Variants in ULK4 observed in about 807,000 individuals in gnomAD.
ULK4 encodes the protein unc-51 like kinase 4.
In ULK4, 133 loss-of-function variants were observed where a neutral mutation model predicts 160.6. That is an observed-to-expected ratio of 0.83 (90% CI 0.72 to 0.96). The LOEUF (loss-of-function observed/expected upper bound fraction) is 0.96, where lower values mean the gene tolerates loss of function less well. Among genes scored for constraint, ULK4 ranks in the 40% least tolerant of loss-of-function variants. The pLI is 0.00. For synonymous variants in ULK4, 534 were observed against 539.8 expected, an observed-to-expected ratio of 0.99 and a Z score of 0.15; for missense variants, 1,580 against 1,499.5, an observed-to-expected ratio of 1.05 and a Z score of -0.89.
At chr3:41,556,951 C>T (rs2087324040) in intron 32 of ULK4, among the ~76,000 whole-genome samples, 1 of 152,118 alleles carries the variant, frequency 6.6e-6, no homozygotes, top group African/African-American at 2.4e-5. Flanking sequence ...AGACCAATTA[C>T]ACCAATGAAT....
chr3:41,319,885 T>C (rs1308899059), intron 35 of ULK4, among the ~76,000 whole-genome samples: 1 of 152,318 alleles, frequency 6.6e-6, no homozygotes. Flanking sequence ...AGCCTTCTAT[T>C]GGGTTATTGA....
chr3:41,464,689 C>T (rs2083782574), intron 32 of ULK4, among the ~76,000 whole-genome samples: 1 of 152,162 alleles, frequency 6.6e-6, no homozygotes, highest in Non-Finnish European at 1.5e-5. Context: ...TGCAAGACAA[C>T]AGGTTTTTCA....
At chr3:41,723,987 G>T (rs1409841440) in intron 22 of ULK4, among the ~76,000 whole-genome samples, 3 of 152,198 alleles carry the variant, frequency 2.0e-5, no homozygotes, top group African/African-American at 7.2e-5. Flanking sequence ...CTGTACAGAT[G>T]ATCTTAATGT....
At chr3:41,301,039 C>T (rs1405554901) in intron 35 of ULK4, among the ~76,000 whole-genome samples, 6 of 151,238 alleles carry the variant, frequency 4.0e-5, no homozygotes, top group Non-Finnish European at 8.8e-5. Flanking sequence ...GGCCTTGCAG[C>T]CCATGTGGAT....
intron 17 of ULK4, among the ~76,000 whole-genome samples, chr3:41,858,154 T>TG (rs1174675876): frequency 9.9e-5 from 13 of 131,410 alleles, no homozygotes; most frequent in Admixed American, 5.1e-4. Flanking sequence ...TTTGTTTTTT[T>TG]TTTTTTTTTT....
At chr3:41,815,336 G>A (rs1295250725) in intron 19 of ULK4, among the ~76,000 whole-genome samples, 6 of 152,024 alleles carry the variant, frequency 3.9e-5, no homozygotes, top group East Asian at 3.9e-4. Flanking sequence ...GTATTTCTTC[G>A]TGTCTTTTTT....
intron 34 of ULK4, among the ~76,000 whole-genome samples, chr3:41,401,405 C>T (rs2082175976): frequency 6.6e-6 from 1 of 152,056 alleles, no homozygotes; most frequent in Non-Finnish European, 1.5e-5. Flanking sequence ...TATTGTTGTC[C>T]TATGGTACTG....
Position 41,255,178 on chromosome 3 carries a change from A to C in ULK4, c.3679-5604T>G, listed in dbSNP as rs191021108. Among the ~76,000 whole-genome samples the C allele has an allele frequency of 2.4e-3, 354 of 147,854 alleles. 2 individuals carry two copies. The highest frequency in any genetic ancestry group is 8.6e-3 in the African/African-American group (333 of 38,696). ...CACACACAGTACTTATAACAAATAT[A>C]TTTTAAATATAAGGGCACCAAGGCC... On this transcript the variant is annotated intron_variant, in intron 35 of 36. Coordinates refer to ENST00000301831, the MANE Select transcript of ULK4 (RefSeq NM_017886.4).
Position 41,715,521 on chromosome 3 carries a change from A to G in ULK4, c.2503T>C (p.Ser835Pro). 6.2e-7 allele frequency: 1 copy of G among 1,614,102 alleles called. No homozygotes were observed. The highest frequency in any genetic ancestry group is 8.5e-7 in the Non-Finnish European group (1 of 1,179,994). The change falls in exon 24 of 37, where the codon TCA becomes CCA. Residue 835 changes from serine to proline, a missense_variant. Ser to Pro is a moderately conservative substitution (Grantham distance 74). Coordinates refer to ENST00000301831, the MANE Select transcript of ULK4 (RefSeq NM_017886.4). ...TTCAGCTGTTTCACTTGAACTGTTG[A>G]TGGGTGTTTACGTCCAGAAACATTA... ...LANVSGRKHP[S>P]TVQVKQLKLC...
chr3:41,944,853 C>T (rs893809046), intron 2 of ULK4, among the ~76,000 whole-genome samples: 2 of 152,188 alleles, frequency 1.3e-5, no homozygotes, highest in Admixed American at 1.3e-4. Flanking sequence ...CAGTCCTCAC[C>T]TTATTAGCAG....
chr3:41,681,839 A>G, intron 27 of ULK4, 35 bp from the exon 28 acceptor site: 2 of 1,608,964 alleles, frequency 1.2e-6, no homozygotes, highest in Non-Finnish European at 1.7e-6. Context: ...CAGAATCTCT[A>G]TGAACACAAA....
intron 32 of ULK4, among the ~76,000 whole-genome samples, chr3:41,517,338 CT>C (rs2085785255): frequency 1.3e-5 from 2 of 152,104 alleles, no homozygotes; most frequent in African/African-American, 4.8e-5. Flanking sequence ...AAGGCAGGGC[CT>C]TTAAGAGGTG....
At chr3:41,717,579 T>G (rs1559505201) in intron 23 of ULK4, 149 bp downstream of exon 23, 6 of 1,003,568 alleles carry the variant, frequency 6.0e-6, no homozygotes, top group Non-Finnish European at 8.4e-6. Context: ...TAAAGCAAAT[T>G]TAAATCTTGA....
chr3:41,749,589 G>A (rs886076600), intron 22 of ULK4, among the ~76,000 whole-genome samples: 1 of 152,208 alleles, frequency 6.6e-6, no homozygotes, highest in African/African-American at 2.4e-5. Flanking sequence ...ATGATGTTCA[G>A]TAGGTTAGAT....
At chr3:41,500,225 T>G (rs528235192) in intron 32 of ULK4, among the ~76,000 whole-genome samples, 1 of 113,498 alleles carries the variant, frequency 8.8e-6, no homozygotes, top group African/African-American at 2.7e-5. Flanking sequence ...TCCTTCAGGG[T>G]TTTTTTTTTC....
chr3:41,255,187 A>G (rs988215426), intron 35 of ULK4, among the ~76,000 whole-genome samples: 9 of 151,094 alleles, frequency 6.0e-5, no homozygotes, highest in Admixed American at 5.9e-4. Flanking sequence ...TATTTTAAAT[A>G]TAAGGGCACC....
chr3:41,602,963 G>A (rs1034965331), intron 31 of ULK4, among the ~76,000 whole-genome samples: 2 of 151,966 alleles, frequency 1.3e-5, no homozygotes, highest in African/African-American at 4.8e-5. Flanking sequence ...AAATAAAATG[G>A]CAGGCTTAAT....
chr3:41,426,141 C>A (rs1404647649), intron 34 of ULK4, among the ~76,000 whole-genome samples: 1 of 151,884 alleles, frequency 6.6e-6, no homozygotes, highest in African/African-American at 2.4e-5. Context: ...TAGTTTCTGA[C>A]AAAACAGACT....
intron 11 of ULK4, among the ~76,000 whole-genome samples, chr3:41,910,518 C>T (rs955191742): frequency 1.3e-4 from 20 of 151,946 alleles, no homozygotes; most frequent in Non-Finnish European, 7.4e-5. Flanking sequence ...ATTGCCTGAA[C>T]CTGGGAGGTG....
Sources: gnomAD v4.1 joint callset for allele counts (sites outside exome capture counted in the v4.1 genomes callset) on GRCh38, gnomAD v4.1.1 for gene constraint, MANE v1.5 for transcripts, NCBI Gene and HGNC (gene_info 2026-07-23, HGNC 2026-07-21) for gene names.